Variants in PCDHA5 observed in about 807,000 individuals in gnomAD.
PCDHA5 encodes protocadherin alpha-5.
In PCDHA5, 43 loss-of-function variants were observed where a neutral mutation model predicts 61.6. The observed-to-expected ratio is 0.70, with a 90% CI of 0.55 to 0.90. PCDHA5 has a LOEUF of 0.90. PCDHA5 is among the 40% of genes least tolerant of loss of function. The pLI is 0.00. For missense variants in PCDHA5, 1,298 were observed against 1,222.7 expected (o/e 1.06, Z -0.92); for synonymous variants, 627 against 543.9 (o/e 1.15, Z -2.13).
intron 3 of PCDHA5, among the ~76,000 whole-genome samples, chr5:141,008,171 G>A (rs1441350888): frequency 6.6e-6 from 1 of 152,148 alleles, no homozygotes; most frequent in African/African-American, 2.4e-5. Flanking sequence ...GGACTAAAAT[G>A]TGACCATTGA....
At chr5:140,905,383 A>G (rs576453128) in intron 1 of PCDHA5, among the ~76,000 whole-genome samples, 8 of 152,324 alleles carry the variant, frequency 5.3e-5, no homozygotes, top group African/African-American at 1.7e-4. Flanking sequence ...GTTCTGTTTC[A>G]TAGGTCTGTG....
chr5:140,856,484 C>T lies in PCDHA5; in HGVS notation c.2352+32357C>T. 3 of 1,598,366 alleles carry T rather than the reference C, an allele frequency of 1.9e-6. 1 individual carries two copies. The highest frequency in any genetic ancestry group is 2.7e-5 in the African/African-American group (2 of 74,376). The stretch of plus-strand genomic sequence containing the variant: ...AAAGCTCTCAATACCTGAATCCAGA[C>T]TGCTTGACTCTCGATTTCCACTAGA... On this transcript the variant is annotated intron_variant, in intron 1 of 3. Coordinates refer to ENST00000529859, the MANE Select transcript of PCDHA5 (RefSeq NM_018908.3).
intron 1 of PCDHA5, among the ~76,000 whole-genome samples, chr5:140,872,454 C>T (rs1410815153): frequency 1.3e-5 from 2 of 152,062 alleles, no homozygotes; most frequent in Non-Finnish European, 2.9e-5. Context: ...TAGCGAGATC[C>T]TGTCTCTATA....
chr5:140,952,442 A>G (rs1431756877), intron 1 of PCDHA5, among the ~76,000 whole-genome samples: 1 of 152,178 alleles, frequency 6.6e-6, no homozygotes, highest in African/African-American at 2.4e-5. Context: ...CAGGCATAAT[A>G]CAGCCAGGCT....
chr5:140,962,023 A>G (rs565113928), intron 1 of PCDHA5, among the ~76,000 whole-genome samples: 3 of 152,062 alleles, frequency 2.0e-5, no homozygotes, highest in African/African-American at 7.2e-5. Flanking sequence ...AGCTGGGACT[A>G]CAGGCACCCA....
chr5:140,918,680 C>A (rs1291001659), intron 1 of PCDHA5, among the ~76,000 whole-genome samples: 2 of 152,084 alleles, frequency 1.3e-5, no homozygotes, highest in Admixed American at 1.3e-4. Flanking sequence ...GAGGTGAGAC[C>A]TTTCAAACAT....
rs1179206603 is a variant in PCDHA5, at chr5:140,823,692, C to G, written c.1917C>G (p.Thr639=). The part of the protein sequence containing the change: ...EISTTRSLDE[T]EAPRHRLLVL... ...GCACAACACGCTCTCTGGATGAGAC[C>G]GAAGCACCGCGCCACCGCCTTCTGG... is the stretch of plus-strand genomic sequence containing the variant. Residue 639 remains threonine, a synonymous_variant, in exon 1 of 4, where the codon ACC becomes ACG. Coordinates refer to ENST00000529859, the MANE Select transcript of PCDHA5 (RefSeq NM_018908.3). 3 of 1,613,816 alleles carry G rather than the reference C, an allele frequency of 1.9e-6. No homozygotes were observed. Among genetic ancestry groups the G allele is most frequent in the Non-Finnish European group, 1.7e-6 (2 of 1,179,948 alleles).
chr5:140,854,975 ATT>A (rs1554147536), intron 1 of PCDHA5, among the ~76,000 whole-genome samples: 1 of 149,964 alleles, frequency 6.7e-6, no homozygotes, highest in Non-Finnish European at 1.5e-5. Context: ...CAGAATTATA[ATT>A]AAGATTCTTT....
chr5:140,936,944 T>A (rs900789474), intron 1 of PCDHA5, among the ~76,000 whole-genome samples: 3 of 152,226 alleles, frequency 2.0e-5, no homozygotes, highest in African/African-American at 7.2e-5. Flanking sequence ...AATATCTTAT[T>A]TTGATCTTTA....
chr5:140,900,416 T>G (rs1303205296), intron 1 of PCDHA5, among the ~76,000 whole-genome samples: 8 of 152,220 alleles, frequency 5.3e-5, no homozygotes, highest in Admixed American at 5.2e-4. Flanking sequence ...TAGCTGGGAT[T>G]ATAGGCACGT....
chr5:140,863,228 C>A, intron 1 of PCDHA5: 1 of 1,183,022 alleles, frequency 8.5e-7, no homozygotes, highest in Non-Finnish European at 1.2e-6. Flanking sequence ...AGGAAGGTCC[C>A]ATCGCGGGCT....
chr5:140,941,876 C>T (rs1293978062), intron 1 of PCDHA5, among the ~76,000 whole-genome samples: 1 of 152,166 alleles, frequency 6.6e-6, no homozygotes, highest in Non-Finnish European at 1.5e-5. Flanking sequence ...GTTCTATCAC[C>T]AGTGACTAGC....
Position 140,823,509 on chromosome 5 carries a change from G to A in PCDHA5, c.1734G>A (p.Glu578=), listed in dbSNP as rs1350643450. ...GTGGCACCGGCGGCGCAGTGAGCGA[G>A]CTGGTGCCGAGGTCAGTGGGTGCGG... ...RVGGTGGAVS[E]LVPRSVGAGH... The change falls in exon 1 of 4, where the codon GAG becomes GAA. Residue 578 remains glutamate (E), a synonymous_variant. Coordinates refer to ENST00000529859, the MANE Select transcript of PCDHA5 (RefSeq NM_018908.3). The A allele has an allele frequency of 6.2e-7, 1 of 1,613,414 alleles. No individual in the cohort carries two copies. The highest frequency in any genetic ancestry group is 8.5e-7 in the Non-Finnish European group (1 of 1,179,700).
chr5:140,989,727 A>G (rs1203211477), intron 3 of PCDHA5, among the ~76,000 whole-genome samples: 2 of 152,308 alleles, frequency 1.3e-5, no homozygotes, highest in East Asian at 3.9e-4. Flanking sequence ...TTTGCAGTTG[A>G]AAAGGCCATT....
At position 140,929,511 on chromosome 5, in the gene PCDHA5, G is replaced by A. The variant is rs113234119; in HGVS notation, c.2353-49438G>A. On this transcript the variant is annotated intron_variant, in intron 1 of 3. Coordinates refer to ENST00000529859, the MANE Select transcript of PCDHA5 (RefSeq NM_018908.3). ...TTAGAAGATTGCCCTAGGCCTCAAG[G>A]GACTTATAGTTTATTTTTGAGAAAC... 1,947 of 781,082 alleles carry A rather than the reference G, an allele frequency of 2.5e-3. 24 individuals carry two copies. The African/African-American group carries it at 0.032, about 13-fold the overall frequency. 48.4% of individuals were successfully genotyped at this position (781,082 alleles called of 1,614,324 possible).
Position 140,822,071 on chromosome 5 carries a change from C to T in PCDHA5, c.296C>T (p.Ala99Val). The T allele has an allele frequency of 6.2e-7, 1 of 1,614,190 alleles. No homozygotes were observed. Among genetic ancestry groups the T allele is most frequent in the Non-Finnish European group, 8.5e-7 (1 of 1,180,032 alleles). ...CGGGAGGAGCTGTGCCGGCGGAGGG[C>T]GGAGTGCAGCATCCACCTGGAGGTG... ...IDREELCRRR[A>V]ECSIHLEVIV... The change falls in exon 1 of 4, where the codon GCG becomes GTG. Residue 99 changes from alanine (A) to valine (V), a missense_variant. Transcript: ENST00000529859.
chr5:140,852,729 T>C, intron 1 of PCDHA5: 1 of 983,952 alleles, frequency 1.0e-6, no homozygotes, highest in South Asian at 4.8e-5. Flanking sequence ...TTTTTCAAGT[T>C]TCATGTGCCA....
At position 140,823,018 on chromosome 5, in the gene PCDHA5, G is replaced by T. The variant is rs1386534416; in HGVS notation, c.1243G>T (p.Glu415Ter). 1.2e-6 allele frequency: 2 copies of T among 1,614,118 alleles called. No individual in the cohort carries two copies. The highest frequency in any genetic ancestry group is 1.7e-5 in the Admixed American group (1 of 60,016). Residue 415 changes from glutamate (E) to a stop codon, truncating the protein, a stop_gained, in exon 1 of 4, where the codon GAG (glutamate) becomes TAG (stop). Transcript: ENST00000529859. LOFTEE classifies it high-confidence loss of function. Reference protein sequence around the residue: ...SLVLDSALDRESVSVYELVVT... With the variant: ...SLVLDSALDR ...GGTGCTGGACAGCGCCCTGGACCGC[G>T]AGAGCGTGTCGGTCTATGAGCTGGT...
At chr5:140,928,326 C>T (rs1554205788) in intron 1 of PCDHA5, 1 of 1,614,162 alleles carries the variant, frequency 6.2e-7, no homozygotes, top group Non-Finnish European at 8.5e-7. Context: ...GGAAGAATGG[C>T]CTTGTCTCTT....
Sources: allele counts gnomAD v4.1 joint callset (sites outside exome capture counted in the v4.1 genomes callset), GRCh38; gene constraint gnomAD v4.1.1; transcripts MANE v1.5; gene names NCBI Gene and HGNC (gene_info 2026-07-23, HGNC 2026-07-21).